Variants in KHDRBS2 observed in about 807,000 individuals in gnomAD.
KHDRBS2 encodes KH domain-containing, RNA-binding, signal transduction-associated protein 2.
A neutral mutation model predicts 44.3 loss-of-function variants in KHDRBS2; 26 were observed. That is an observed-to-expected ratio of 0.59 (90% CI 0.43 to 0.81). The LOEUF is 0.81. Among genes scored for constraint, KHDRBS2 ranks in the 40% least tolerant of loss-of-function variants. The pLI is 0.00. For missense variants in KHDRBS2, 476 were observed against 433.1 expected (o/e 1.10, Z -0.88); for synonymous variants, 194 against 151.1 (o/e 1.28, Z -2.08).
chr6:62,284,935 G>A (rs1842273866), intron 1 of KHDRBS2, among the ~76,000 whole-genome samples: 1 of 152,070 alleles, frequency 6.6e-6, no homozygotes, highest in African/African-American at 2.4e-5. Flanking sequence ...CTACAAAACT[G>A]CATTGTAACC....
At chr6:61,555,449 C>T in the KHDRBS2 span, among the ~76,000 whole-genome samples, 1 of 152,148 alleles carries the variant, frequency 6.6e-6, no homozygotes, top group Non-Finnish European at 1.5e-5. Context: ...TGGATTTCAA[C>T]TTTCTCTTAA....
intron 2 of KHDRBS2, among the ~76,000 whole-genome samples, chr6:62,053,175 G>C (rs765575142): frequency 5.9e-5 from 9 of 151,720 alleles, no homozygotes; most frequent in Non-Finnish European, 8.8e-5. Flanking sequence ...GTACTATAAA[G>C]AAATACCAGT....
chr6:61,672,918 G>C, the KHDRBS2 span, among the ~76,000 whole-genome samples: 3 of 151,994 alleles, frequency 2.0e-5, no homozygotes, highest in Admixed American at 1.3e-4. Context: ...TGAAGCCCTT[G>C]CCCATGCCTA....
At chr6:62,163,264 G>A (rs967058970) in intron 2 of KHDRBS2, among the ~76,000 whole-genome samples, 6 of 152,108 alleles carry the variant, frequency 3.9e-5, no homozygotes, top group African/African-American at 1.4e-4. Flanking sequence ...TAATTCCCGT[G>A]ATTTCTTTAT....
At chr6:61,552,570 T>A in the KHDRBS2 span, among the ~76,000 whole-genome samples, 1 of 152,168 alleles carries the variant, frequency 6.6e-6, no homozygotes, top group African/African-American at 2.4e-5. Context: ...CATCTTGTCT[T>A]TTTCTGATTT....
At chr6:62,246,724 C>A (rs1835640843) in intron 1 of KHDRBS2, among the ~76,000 whole-genome samples, 1 of 151,848 alleles carries the variant, frequency 6.6e-6, no homozygotes, top group Non-Finnish European at 1.5e-5. Flanking sequence ...TTAGTGATTT[C>A]TGATATTAAG....
chr6:62,086,103 T>C (rs1798328159), intron 2 of KHDRBS2, among the ~76,000 whole-genome samples: 1 of 152,112 alleles, frequency 6.6e-6, no homozygotes, highest in Non-Finnish European at 1.5e-5. Flanking sequence ...GTTTGGAAAT[T>C]ATGTATAATT....
intron 2 of KHDRBS2, among the ~76,000 whole-genome samples, chr6:62,134,580 T>A (rs1811079597): frequency 6.6e-6 from 1 of 152,092 alleles, no homozygotes. Flanking sequence ...CCTAGAATGG[T>A]AGATCCACCA....
chr6:61,642,935 T>A, the KHDRBS2 span, among the ~76,000 whole-genome samples: 1 of 152,190 alleles, frequency 6.6e-6, no homozygotes. Context: ...AAAACCATTG[T>A]GAAAATACTT....
At chr6:61,757,599 A>C (rs954129558) in intron 6 of KHDRBS2, among the ~76,000 whole-genome samples, 1 of 152,128 alleles carries the variant, frequency 6.6e-6, no homozygotes, top group Non-Finnish European at 1.5e-5. Flanking sequence ...CAATGGTTTA[A>C]AACTATCATC....
In KHDRBS2 at chr6:61,811,628, C is replaced by A. The variant is rs199721052; in HGVS notation, c.811-78864G>T. Among the ~76,000 whole-genome samples the A allele has an allele frequency of 2.0e-5, 3 of 152,074 alleles. No individual in the cohort carries two copies. The East Asian group carries it at 5.8e-4, about 29-fold the overall frequency. ...GCCAACATCTGTTATTTTTGACTTT[C>A]TAATAGACAGTCTGACCGTGTGAGT... On this transcript the variant is annotated intron_variant, in intron 6 of 8. Transcript: ENST00000281156.
intron 4 of KHDRBS2, among the ~76,000 whole-genome samples, chr6:61,958,072 T>C (rs1283695263): frequency 6.6e-6 from 1 of 152,182 alleles, no homozygotes; most frequent in Admixed American, 6.5e-5. Context: ...TTCTCAATCA[T>C]AAAGTTCTGA....
intron 2 of KHDRBS2, among the ~76,000 whole-genome samples, chr6:62,093,207 C>T (rs1352638621): frequency 6.6e-6 from 1 of 150,690 alleles, no homozygotes; most frequent in Admixed American, 6.6e-5. Flanking sequence ...GAGAAATTAT[C>T]CTGACCTTAG....
the KHDRBS2 span, among the ~76,000 whole-genome samples, chr6:61,633,540 G>A: frequency 4.6e-5 from 7 of 152,020 alleles, no homozygotes; most frequent in African/African-American, 1.7e-4. Context: ...ATTCTCCTAA[G>A]TGCTCATATC....
intron 1 of KHDRBS2, among the ~76,000 whole-genome samples, chr6:62,257,078 G>T (rs2150178951): frequency 6.6e-6 from 1 of 152,138 alleles, no homozygotes; most frequent in South Asian, 2.1e-4. Context: ...CACAAAAGAG[G>T]AAACTGAGGT....
chr6:62,124,632 AATC>A (rs942621537), intron 2 of KHDRBS2, among the ~76,000 whole-genome samples: 3 of 138,560 alleles, frequency 2.2e-5, no homozygotes, highest in African/African-American at 7.8e-5. Flanking sequence ...ACCTTTATCC[AATC>A]ATCTGTTGAT....
chr6:61,556,514 C>T, the KHDRBS2 span, among the ~76,000 whole-genome samples: 1 of 152,194 alleles, frequency 6.6e-6, no homozygotes, highest in African/African-American at 2.4e-5. Flanking sequence ...AGGCTCACTT[C>T]ATTCTTCTTG....
chr6:62,086,311 G>A (rs1798367285), intron 2 of KHDRBS2, among the ~76,000 whole-genome samples: 1 of 152,098 alleles, frequency 6.6e-6, no homozygotes, highest in Non-Finnish European at 1.5e-5. Context: ...TGTCTGAATA[G>A]CAAATGACTC....
chr6:62,055,392 C>T (rs1160977805), intron 2 of KHDRBS2, among the ~76,000 whole-genome samples: 1 of 151,980 alleles, frequency 6.6e-6, no homozygotes, highest in Non-Finnish European at 1.5e-5. Flanking sequence ...ATTTTACACA[C>T]ACTATATAAG....
Sources: gnomAD v4.1 joint callset for allele counts (sites outside exome capture counted in the v4.1 genomes callset) on GRCh38, gnomAD v4.1.1 for gene constraint, MANE v1.5 for transcripts, NCBI Gene and HGNC (gene_info 2026-07-23, HGNC 2026-07-21) for gene names.